ALX4: variants seen among roughly 807,000 people sequenced by gnomAD.
ALX4 encodes the protein homeobox protein aristaless-like 4.
In ALX4, 22 loss-of-function variants were observed where a neutral mutation model predicts 40.6. The observed-to-expected ratio is 0.54, with a 90% confidence interval of 0.39 to 0.77. The LOEUF (loss-of-function observed/expected upper bound fraction) is 0.77, where lower values mean the gene tolerates loss of function less well. ALX4 is among the 30% of genes least tolerant of loss of function. The pLI is 0.00. For synonymous variants in ALX4, 266 were observed against 240.5 expected (o/e 1.11, Z -0.98); for missense variants, 556 against 564.8 (o/e 0.98, Z 0.16).
At position 44,305,751 on chromosome 11, in the gene ALX4, C is replaced by T. The variant is rs569049157; in HGVS notation, c.466+3846G>A. Among the ~76,000 whole-genome samples the T allele has an allele frequency of 3.2e-3, 486 of 152,368 alleles. 5 individuals carry two copies. Among genetic ancestry groups the T allele is most frequent in the African/African-American group, 0.011 (463 of 41,586 alleles). ...AGGGGCTCCAACCTGGCCCGCGCCT[C>T]CCCAGACCTTGGCGCTGAGAGCGCT... On this transcript the variant is annotated intron_variant, in intron 1 of 3. Transcript: ENST00000652299.
intron 2 of ALX4, among the ~76,000 whole-genome samples, chr11:44,271,163 C>G: frequency 6.6e-6 from 1 of 152,124 alleles, no homozygotes; most frequent in Non-Finnish European, 1.5e-5. Context: ...CCTTACCCCC[C>G]CAGGGCACTG....
chr11:44,289,637 C>G (rs1211024296), intron 1 of ALX4, among the ~76,000 whole-genome samples: 1 of 152,124 alleles, frequency 6.6e-6, no homozygotes, highest in Non-Finnish European at 1.5e-5. Flanking sequence ...CATTGCTGAG[C>G]CACTGGGGTC....
chr11:44,301,817 G>C (rs567047791), intron 1 of ALX4, among the ~76,000 whole-genome samples: 18 of 152,314 alleles, frequency 1.2e-4, no homozygotes, highest in Admixed American at 1.0e-3. Flanking sequence ...GTGCTAAATG[G>C]GGTCAGCAGT....
At chr11:44,304,150 T>G (rs2054029) in intron 1 of ALX4, among the ~76,000 whole-genome samples, 62,467 of 152,140 alleles carry the variant, frequency 0.41, 13,213 homozygotes, top group Admixed American at 0.5. Context: ...TATCATCACA[T>G]AGCCGGGTCC....
chr11:44,291,615 C>T lies in ALX4; in HGVS notation c.467-15957G>A, dbSNP rs536050333. 2.1e-3 allele frequency among the ~76,000 whole-genome samples: 313 copies of T among 152,114 alleles called. 2 individuals are homozygous for T. Among genetic ancestry groups the T allele is most frequent in the African/African-American group, 7.1e-3 (296 of 41,514 alleles). The stretch of plus-strand genomic sequence containing the variant: ...AGACAGGGTTTCACTCTTGTTGTCC[C>T]GGCTGGTCTTGAACTCATGAGCTCA... On this transcript the variant is annotated intron_variant, in intron 1 of 3. Coordinates refer to ENST00000652299, the MANE Select transcript of ALX4 (RefSeq NM_021926.4).
chr11:44,286,545 C>T (rs1956339707), intron 1 of ALX4, among the ~76,000 whole-genome samples: 1 of 152,140 alleles, frequency 6.6e-6, no homozygotes, highest in South Asian at 2.1e-4. Context: ...GATCCTGGGG[C>T]CCCAGTGCCT....
At position 44,275,667 on chromosome 11, in the gene ALX4, G is replaced by A. The variant is rs749570490; in HGVS notation, c.467-9C>T. The A allele has an allele frequency of 1.9e-6, 3 of 1,611,342 alleles. No individual in the cohort carries two copies. The highest frequency in any genetic ancestry group is 1.1e-5 in the South Asian group (1 of 90,834). Reference sequence around the variant, plus strand: ...CAGGGAGCTCTCTTTAGCTGAGGGAGGAGGAAACAAAGTCAGAAACCAATG... The same window carrying A: ...CAGGGAGCTCTCTTTAGCTGAGGGAAGAGGAAACAAAGTCAGAAACCAATG... On this transcript the variant is annotated splice_polypyrimidine_tract_variant and intron_variant, in intron 1 of 3. Transcript: ENST00000652299.
At chr11:44,270,909 T>G (rs112553512) in intron 2 of ALX4, among the ~76,000 whole-genome samples, 23 of 152,348 alleles carry the variant, frequency 1.5e-4, no homozygotes, top group African/African-American at 5.3e-4. Context: ...GGGAGGCCTC[T>G]GTCTTATTGT....
chr11:44,307,407 C>A (rs1307411782), intron 1 of ALX4, among the ~76,000 whole-genome samples: 3 of 152,180 alleles, frequency 2.0e-5, no homozygotes, highest in African/African-American at 7.2e-5. Context: ...AAGGGCCAGG[C>A]TGGCTGTGGG....
chr11:44,261,849 G>A lies in ALX4; in HGVS notation c.*3005C>T, dbSNP rs1564996463. The stretch of plus-strand genomic sequence containing the variant: ...ATAGCAATGAACCACGTGGCAGGTA[G>A]ATGCTTCTCTCCACCTGCCTTCATG... On this transcript the variant is annotated 3_prime_UTR_variant, in exon 4 of 4. Coordinates refer to ENST00000652299, the MANE Select transcript of ALX4 (RefSeq NM_021926.4). 6.6e-6 allele frequency: 1 copy of A among 152,294 alleles called. No homozygotes were observed. Among genetic ancestry groups the A allele is most frequent in the Non-Finnish European group, 1.5e-5 (1 of 68,060 alleles). 9.4% of individuals were successfully genotyped at this position (152,294 alleles called of 1,614,324 possible). A position where few individuals can be genotyped will look rare whatever the true frequency, so the allele number is the denominator to read the frequency against.
At chr11:44,309,574 A>C in intron 1 of ALX4, 23 bp downstream of exon 1, 3 of 1,562,236 alleles carry the variant, frequency 1.9e-6, no homozygotes. Context: ...CCCCAGCACC[A>C]GGTGACCCGC....
At chr11:44,308,970 T>C (rs536109058) in intron 1 of ALX4, among the ~76,000 whole-genome samples, 1 of 152,242 alleles carries the variant, frequency 6.6e-6, no homozygotes, top group Non-Finnish European at 1.5e-5. Flanking sequence ...CAGTGTCCCC[T>C]GGGACCCTAG....
chr11:44,295,432 C>T (rs1956397475), intron 1 of ALX4, among the ~76,000 whole-genome samples: 1 of 152,242 alleles, frequency 6.6e-6, no homozygotes. Flanking sequence ...CCTTAGGGCA[C>T]ATGGCTGGAA....
chr11:44,262,287 T>G lies in ALX4; in HGVS notation c.*2567A>C, dbSNP rs1484236579. 1.3e-5 allele frequency: 2 copies of G among 152,314 alleles called. No individual in the cohort carries two copies. Among genetic ancestry groups the G allele is most frequent in the Admixed American group, 6.5e-5 (1 of 15,280 alleles). 9.4% of individuals were successfully genotyped at this position (152,314 alleles called of 1,614,324 possible). On this transcript the variant is annotated 3_prime_UTR_variant, in exon 4 of 4. Coordinates refer to ENST00000652299, the MANE Select transcript of ALX4 (RefSeq NM_021926.4). ...TCCCAACTCGGTGGTCCTATCATAC[T>G]TAGTGTGGTTAGGTGGCCCCCAAGG...
chr11:44,270,758 T>C (rs1956241731), intron 2 of ALX4, among the ~76,000 whole-genome samples: 1 of 152,170 alleles, frequency 6.6e-6, no homozygotes, highest in Non-Finnish European at 1.5e-5. Context: ...GGTCTGAATG[T>C]CATACCTCAG....
At chr11:44,302,980 A>T (rs891167769) in intron 1 of ALX4, among the ~76,000 whole-genome samples, 1 of 152,176 alleles carries the variant, frequency 6.6e-6, no homozygotes, top group African/African-American at 2.4e-5. Context: ...CCCGGAGCAG[A>T]ACATACTTCT....
intron 1 of ALX4, among the ~76,000 whole-genome samples, chr11:44,308,292 A>C (rs1050349271): frequency 1.3e-5 from 2 of 152,226 alleles, no homozygotes; most frequent in Non-Finnish European, 2.9e-5. Flanking sequence ...CTGTGAAAGA[A>C]GGAACCTGAA....
intron 1 of ALX4, among the ~76,000 whole-genome samples, chr11:44,283,268 T>C (rs2119830060): frequency 6.6e-6 from 1 of 151,494 alleles, no homozygotes; most frequent in Middle Eastern, 3.4e-3. Context: ...AAAAAAAATT[T>C]ACAGCATGTT....
At position 44,275,556 on chromosome 11, in the gene ALX4, G is replaced by T. The variant is rs143620051; in HGVS notation, c.569C>A (p.Pro190His). ...LSVKEAGVKG[P>H]QDRASSDLPS... ...GAGGTCTGAGCTGGCCCGGTCCTGG[G>T]GCCCCTTCACCCCAGCCTCCTTGAC... The change falls in exon 2 of 4, where the codon CCC (proline) becomes CAC (histidine). Residue 190 changes from proline to histidine, a missense_variant. Physicochemically the swap from Pro to His is moderately conservative, Grantham distance 77. Coordinates refer to ENST00000652299, the MANE Select transcript of ALX4 (RefSeq NM_021926.4). 3.5e-5 allele frequency: 56 copies of T among 1,614,004 alleles called. No individual in the cohort carries two copies. The highest frequency in any genetic ancestry group is 4.6e-5 in the Non-Finnish European group (54 of 1,180,020).
Sources: allele counts gnomAD v4.1 joint callset (sites outside exome capture counted in the v4.1 genomes callset), GRCh38; gene constraint gnomAD v4.1.1; transcripts MANE v1.5; gene names NCBI Gene and HGNC (gene_info 2026-07-23, HGNC 2026-07-21).